The following NACA variants were observed in gnomAD, a reference collection of about 807,000 sequenced individuals.
NACA encodes nascent polypeptide associated complex subunit alpha.
NACA carries 42 observed loss-of-function variants against 86.4 expected under a neutral mutation model. The ratio of observed to expected loss-of-function variants is 0.49; its 90% CI spans 0.38 to 0.63. The LOEUF is 0.63. Ranked by LOEUF, NACA falls within the 20% of genes least tolerant of loss-of-function variation. The probability of loss-of-function intolerance (pLI) is 0.00; values close to 1 mark genes in which losing one functional copy is unlikely to be tolerated. For synonymous variants in NACA, 898 were observed against 973.7 expected, an observed-to-expected ratio of 0.92 and a Z score of 1.45; for missense variants, 2,157 against 2,483.6, an observed-to-expected ratio of 0.87 and a Z score of 2.80.
In NACA at chr12:56,721,372, G is replaced by A; in HGVS notation, c.158C>T (p.Pro53Leu). The change falls in exon 3 of 9, where the codon CCA (proline) becomes CTA (leucine). Residue 53 changes from proline (P) to leucine (L), a missense_variant. Coordinates refer to ENST00000454682, the MANE Select transcript of NACA (RefSeq NM_001365896.1). The stretch of plus-strand genomic sequence containing the variant: ...AGCAGCTGAGAGAGGGCACTGTTGT[G>A]GGGCAGGAGAGCAAGGAGGGGGGAG... ...PTLPPPCSPAPQQCPLSAANQ... is the reference protein window; with the variant it reads ...PTLPPPCSPALQQCPLSAANQ... 6.3e-7 allele frequency: 1 copy of A among 1,593,244 alleles called. No individual in the cohort carries two copies. Among genetic ancestry groups the A allele is most frequent in the East Asian group, 2.2e-5 (1 of 44,788 alleles).
In NACA at chr12:56,716,858, G is replaced by T. The variant is rs767315088; in HGVS notation, c.4672C>A (p.Pro1558Thr). Residue 1558 changes from proline (P) to threonine (T), a missense_variant, in exon 3 of 9, where the codon CCT (proline) becomes ACT (threonine). Transcript: ENST00000454682. Reference protein sequence around the residue: ...LIPPAMTVPSPKKTPAIPTPK... With the variant: ...LIPPAMTVPSTKKTPAIPTPK... Reference sequence around the variant, plus strand: ...GTTGGAATTGCTGGGGTCTTTTTAGGGGAGGGAACAGTCATAGCTGGGGGA... The same window carrying T: ...GTTGGAATTGCTGGGGTCTTTTTAGTGGAGGGAACAGTCATAGCTGGGGGA... The T allele has an allele frequency of 1.5e-6, 2 of 1,335,592 alleles. No homozygotes were observed. Among genetic ancestry groups the T allele is most frequent in the South Asian group, 2.9e-5 (2 of 67,940 alleles). The allele number at this position is 1,335,592 out of a possible 1,614,324, so 82.7% of individuals were successfully genotyped here. A position where few individuals can be genotyped will look rare whatever the true frequency, so the allele number is the denominator to read the frequency against.
intron 6 of NACA, 119 bp downstream of exon 6, chr12:56,713,418 T>C (rs1953268613): frequency 1.4e-6 from 2 of 1,400,056 alleles, no homozygotes; most frequent in South Asian, 1.4e-5. Context: ...TTTTGGGTAA[T>C]CAAAACTGGA....
At position 56,716,466 on chromosome 12, in the gene NACA, T is replaced by C; in HGVS notation, c.5064A>G (p.Pro1688=). 1 of 1,558,826 alleles carries C rather than the reference T, an allele frequency of 6.4e-7. No individual in the cohort carries two copies. The stretch of plus-strand genomic sequence containing the variant: ...TGATGATTGGCGTGCTTTCTGGAGC[T>C]GGGGCAACAAGTACTTCTTTCAGAG... The part of the protein sequence containing the change: ...PTALKEVLVA[P]APESTPIITA... The change falls in exon 3 of 9, where the codon CCA becomes CCG. Residue 1688 remains proline (P), a synonymous_variant. Transcript: ENST00000454682.
At chr12:56,713,774 T>C (rs1319222153) in intron 5 of NACA, 91 bp from the exon 6 acceptor site, 15 of 1,301,950 alleles carry the variant, frequency 1.2e-5, no homozygotes, top group Non-Finnish European at 1.5e-5. Context: ...AAGCAAAGCC[T>C]TTCCCCAGGC....
In NACA at chr12:56,721,416, T is replaced by C. The variant is rs751193219; in HGVS notation, c.114A>G (p.Leu38=). 1.3e-6 allele frequency: 2 copies of C among 1,539,010 alleles called. No individual in the cohort carries two copies. The highest frequency in any genetic ancestry group is 1.7e-6 in the Non-Finnish European group (2 of 1,150,402). Residue 38 remains leucine, a synonymous_variant, in exon 3 of 9, where the codon TTA becomes TTG. Coordinates refer to ENST00000454682, the MANE Select transcript of NACA (RefSeq NM_001365896.1). ...GGGGGAGGGTAGGTCCAGGCTGCCC[T>C]AAGGCAGCAGTGACACTCAAGGCTG... ...MSSALSVTAA[L]GQPGPTLPPP...
Position 56,721,581 on chromosome 12 carries a change from T to G in NACA, c.71-122A>C. ...CACTGGAGTTTAAAATCTGACAGTC[T>G]AAGTCACCACGCAGGATTAGATAAA... On this transcript the variant is annotated intron_variant, in intron 2 of 8. Transcript: ENST00000454682. The G allele has an allele frequency of 5.0e-6, 3 of 599,052 alleles. No homozygotes were observed. The South Asian group carries it at 8.5e-5, about 17-fold the overall frequency. The allele number at this position is 599,052 out of a possible 1,614,324, so 37.1% of individuals were successfully genotyped here. A position where few individuals can be genotyped will look rare whatever the true frequency, so the allele number is the denominator to read the frequency against.
In NACA at chr12:56,720,700, G is replaced by A. The variant is rs543527270; in HGVS notation, c.830C>T (p.Ser277Phe). Reference sequence around the variant, plus strand: ...CACAGGAAGAGACTGAGTTGAAAGAGATAAGGCAGCAGGTGGACTAACAGG... The same window carrying A: ...CACAGGAAGAGACTGAGTTGAAAGAAATAAGGCAGCAGGTGGACTAACAGG... ...KGPVSPPAAL[S>F]LSTQSLPVVT... Residue 277 changes from serine (S) to phenylalanine (F), a missense_variant, in exon 3 of 9, where the codon TCT (serine) becomes TTT (phenylalanine). By Grantham distance (155) the Ser-to-Phe change is radical (BLOSUM62 -2). Coordinates refer to ENST00000454682, the MANE Select transcript of NACA (RefSeq NM_001365896.1). The A allele has an allele frequency of 1.2e-6, 2 of 1,613,840 alleles. No individual in the cohort carries two copies. Among genetic ancestry groups the A allele is most frequent in the African/African-American group, 1.3e-5 (1 of 74,920 alleles).
intron 4 of NACA, 65 bp downstream of exon 4, chr12:56,714,536 AT>A: frequency 6.2e-7 from 1 of 1,604,984 alleles, no homozygotes; most frequent in East Asian, 2.2e-5. Flanking sequence ...ACAGTTCCAA[AT>A]ACAAAAGTTG....
chr12:56,714,187 T>G, intron 5 of NACA, 175 bp downstream of exon 5: 1 of 606,390 alleles, frequency 1.6e-6, no homozygotes, highest in East Asian at 2.9e-5. Flanking sequence ...TACTAAGAAT[T>G]GGGTTCAGTG....
rs369635295 is a variant in NACA, at chr12:56,717,613, G to T, written c.3917C>A (p.Pro1306His). 2.5e-5 allele frequency: 31 copies of T among 1,261,244 alleles called. No individual in the cohort carries two copies. The African/African-American group carries it at 2.8e-4, about 12-fold the overall frequency. 78.1% of individuals were successfully genotyped at this position (1,261,244 alleles called of 1,614,324 possible). ...AGCTGGAGGAGTGGGGGCCCCTTTG[G>T]GGGGTGAGGTAGCTGGGCCTCCTTT... ...SPKGGPATSPPKGAPTPPAAT... is the reference protein window; with the variant it reads ...SPKGGPATSPHKGAPTPPAAT... Residue 1306 changes from proline (P) to histidine (H), a missense_variant, in exon 3 of 9, where the codon CCC becomes CAC. By Grantham distance (77) the Pro-to-His change is moderately conservative (BLOSUM62 -2). Around this residue, in one of 8 missense-constraint regions of NACA, gnomAD observed 797 missense variants for 777.6 expected, o/e 1.02. Coordinates refer to ENST00000454682, the MANE Select transcript of NACA (RefSeq NM_001365896.1).
In NACA at chr12:56,720,964, T is replaced by G. The variant is rs758729928; in HGVS notation, c.566A>C (p.Asn189Thr). 1 of 1,613,838 alleles carries G rather than the reference T, an allele frequency of 6.2e-7. No individual in the cohort carries two copies. The highest frequency in any genetic ancestry group is 1.3e-5 in the African/African-American group (1 of 74,900). The change falls in exon 3 of 9, where the codon AAT becomes ACT. Residue 189 changes from asparagine to threonine, a missense_variant. Asn to Thr is a moderately conservative substitution (Grantham distance 65). Transcript: ENST00000454682. ...AGGGACTACCTCAGAGGGAACTTTA[T>G]TAAGATTAGTCTTTGGTTCTGAGGG... ...IAPSEPKTNL[N>T]KVPSEVVPNP... is the part of the protein sequence containing the mutation.
Position 56,718,160 on chromosome 12 carries a change from C to A in NACA, c.3370G>T (p.Gly1124Trp). ...GTTGCAGCTGGGGTTGTGGGTGCCC[C>A]TTTGTGGGGTGGGGTAGCTAGACCT... Reference protein sequence around the residue: ...KGGLATPPHKGAPTTPAATPP... With the variant: ...KGGLATPPHKWAPTTPAATPP... Residue 1124 changes from glycine (G) to tryptophan (W), a missense_variant, in exon 3 of 9, where the codon GGG becomes TGG. By Grantham distance (184) the Gly-to-Trp change is radical (BLOSUM62 -2). This residue lies in a region of NACA where 124 missense variants were observed against 186.5 expected (regional missense o/e 0.66). Transcript: ENST00000454682. The A allele has an allele frequency of 2.5e-6, 2 of 799,450 alleles. 1 individual carries two copies. The highest frequency in any genetic ancestry group is 3.0e-6 in the Non-Finnish European group (2 of 665,740). 49.5% of individuals were successfully genotyped at this position (799,450 alleles called of 1,614,324 possible).
chr12:56,715,828 G>A (rs1953339206), intron 3 of NACA, 43 bp downstream of exon 3: 1 of 1,476,402 alleles, frequency 6.8e-7, no homozygotes, highest in African/African-American at 1.4e-5. Flanking sequence ...AGAGGGGTGT[G>A]GACGACAGAC....
In NACA at chr12:56,720,634, G is replaced by A. The variant is rs192511809; in HGVS notation, c.896C>T (p.Pro299Leu). ...SQKTAGPNTP[P>L]DFPISLGSHL... ...AGAGCCCAGAGAAATGGGAAAATCTGGGGGGGTGTTGGGACCCGCAGTCTT... is the reference window on the plus strand; with the variant it reads ...AGAGCCCAGAGAAATGGGAAAATCTAGGGGGGTGTTGGGACCCGCAGTCTT... The change falls in exon 3 of 9, where the codon CCA becomes CTA. Residue 299 changes from proline (P) to leucine (L), a missense_variant. Pro to Leu is a moderately conservative substitution (Grantham distance 98, BLOSUM62 -3). Coordinates refer to ENST00000454682, the MANE Select transcript of NACA (RefSeq NM_001365896.1). The A allele has an allele frequency of 4.0e-5, 65 of 1,613,676 alleles. 1 individual carries two copies. The South Asian group carries it at 6.7e-4, about 17-fold the overall frequency.
Position 56,718,142 on chromosome 12 carries a change from C to T in NACA, c.3388G>A (p.Ala1130Thr), listed in dbSNP as rs1953445782. Residue 1130 changes from alanine (A) to threonine (T), a missense_variant, in exon 3 of 9, where the codon GCT becomes ACT. By Grantham distance (58) the Ala-to-Thr change is moderately conservative. This residue lies in a region of NACA where 124 missense variants were observed against 186.5 expected (regional missense o/e 0.66). Transcript: ENST00000454682. Reference sequence around the variant, plus strand: ...CCTTTTGGGGAGGGAGGAGTTGCAGCTGGGGTTGTGGGTGCCCCTTTGTGG... The same window carrying T: ...CCTTTTGGGGAGGGAGGAGTTGCAGTTGGGGTTGTGGGTGCCCCTTTGTGG... Reference protein sequence around the residue: ...PPHKGAPTTPAATPPSPKGGL... With the variant: ...PPHKGAPTTPTATPPSPKGGL... The T allele has an allele frequency of 1.2e-5, 7 of 562,282 alleles. 1 individual carries two copies. In the East Asian group the frequency reaches 4.5e-4, roughly 36 times the overall value. The allele number at this position is 562,282 out of a possible 1,614,324, so 34.8% of individuals were successfully genotyped here. A position where few individuals can be genotyped will look rare whatever the true frequency, so the allele number is the denominator to read the frequency against.
rs762318122 is a variant in NACA at position 56,717,103 on chromosome 12, T to C, written c.4427A>G (p.Lys1476Arg). 1 of 1,259,382 alleles carries C rather than the reference T, an allele frequency of 7.9e-7. No individual in the cohort carries two copies. Among genetic ancestry groups the C allele is most frequent in the South Asian group, 1.8e-5 (1 of 56,922 alleles). The allele number at this position is 1,259,382 out of a possible 1,614,324, so 78.0% of individuals were successfully genotyped here. The change falls in exon 3 of 9, where the codon AAG (lysine) becomes AGG (arginine). Residue 1476 changes from lysine (K) to arginine (R), a missense_variant. Transcript: ENST00000454682. Reference sequence around the variant, plus strand: ...AACTTGTTTGGGGGCTGGGGGCTCCTTGGGGGAAGGAGGAGTCACTGCTGG... The same window carrying C: ...AACTTGTTTGGGGGCTGGGGGCTCCCTGGGGGAAGGAGGAGTCACTGCTGG... ...TLPAVTPPSPKEPPAPKQVAT... is the reference protein window; with the variant it reads ...TLPAVTPPSPREPPAPKQVAT...
chr12:56,717,622 G>A lies in NACA; in HGVS notation c.3908C>T (p.Thr1303Ile), dbSNP rs756802459. The change falls in exon 3 of 9, where the codon ACC (threonine) becomes ATC (isoleucine). Residue 1303 changes from threonine to isoleucine, a missense_variant. Physicochemically the swap from Thr to Ile is moderately conservative, Grantham distance 89. Coordinates refer to ENST00000454682, the MANE Select transcript of NACA (RefSeq NM_001365896.1). ...AGTGGGGGCCCCTTTGGGGGGTGAG[G>A]TAGCTGGGCCTCCTTTTGGAGAGGG... ...TPPSPKGGPA[T>I]SPPKGAPTPP... is the part of the protein sequence containing the mutation. The A allele has an allele frequency of 1.6e-6, 2 of 1,244,854 alleles. No homozygotes were observed. Among genetic ancestry groups the A allele is most frequent in the Non-Finnish European group, 1.0e-6 (1 of 972,860 alleles). 77.1% of individuals were successfully genotyped at this position (1,244,854 alleles called of 1,614,324 possible). A position where few individuals can be genotyped will look rare whatever the true frequency, so the allele number is the denominator to read the frequency against.
intron 8 of NACA, 111 bp from the exon 9 acceptor site, chr12:56,712,663 G>GGCAACTCAGAAGAGGCTC: frequency 1.3e-6 from 2 of 1,594,666 alleles, no homozygotes; most frequent in Non-Finnish European, 1.7e-6. Flanking sequence ...AAACCTATAC[G>GGCAACTCAGAAGAGGCTC]GCAACTCAGA....
chr12:56,721,288 G>A lies in NACA; in HGVS notation c.242C>T (p.Pro81Leu). Residue 81 changes from proline (P) to leucine (L), a missense_variant, in exon 3 of 9, where the codon CCT (proline) becomes CTT (leucine). By Grantham distance (98) the Pro-to-Leu change is moderately conservative. Coordinates refer to ENST00000454682, the MANE Select transcript of NACA (RefSeq NM_001365896.1). ...TGTTCCAGAGGATGACTGGGGAAAA[G>A]GAACTTCTAAAGGGGTCGAGGCAAT... Reference protein sequence around the residue: ...STIASTPLEVPFPQSSSGTAL... With the variant: ...STIASTPLEVLFPQSSSGTAL... The A allele has an allele frequency of 6.2e-7, 1 of 1,612,960 alleles. No individual in the cohort carries two copies. Among genetic ancestry groups the A allele is most frequent in the Non-Finnish European group, 8.5e-7 (1 of 1,179,494 alleles).
Sources: gnomAD v4.1 joint callset for allele counts on GRCh38, gnomAD v4.1.1 for gene constraint, gnomAD v4.1.1 regional missense constraint, MANE v1.5 for transcripts, NCBI Gene and HGNC (gene_info 2026-07-23, HGNC 2026-07-21) for gene names.